The following SLC9A3 variants were observed in gnomAD, a reference collection of about 807,000 sequenced individuals.
SLC9A3 encodes sodium/hydrogen exchanger 3.
SLC9A3 carries 37 observed loss-of-function variants against 86.8 expected under a neutral mutation model. The ratio of observed to expected loss-of-function variants is 0.43; its 90% confidence interval spans 0.33 to 0.56. SLC9A3 has a LOEUF of 0.56. SLC9A3 is among the 20% of genes least tolerant of loss of function. The pLI, the probability that SLC9A3 is intolerant of heterozygous loss-of-function variation, is 0.06. For synonymous variants in SLC9A3, 581 were observed against 528.3 expected, an observed-to-expected ratio of 1.10 and a Z score of -1.37; for missense variants, 1,011 against 1,171.9, an observed-to-expected ratio of 0.86 and a Z score of 2.00.
chr5:486,887 C>G (rs949116440), intron 3 of SLC9A3, among the ~76,000 whole-genome samples: 2 of 139,760 alleles, frequency 1.4e-5, no homozygotes, highest in African/African-American at 5.4e-5. Flanking sequence ...ACACCCACCG[C>G]ACTGACACCG....
chr5:484,724 G>A (rs373427508), intron 4 of SLC9A3, 27 bp from the exon 5 acceptor site: 36 of 1,608,450 alleles, frequency 2.2e-5, no homozygotes, highest in African/African-American at 2.7e-5. Context: ...CTTTGTGGCC[G>A]TGCCGGCCTT....
At chr5:507,652 GTCGACACCCGAATCCCCA>G (rs1319623647) in intron 1 of SLC9A3, among the ~76,000 whole-genome samples, 1 of 102,004 alleles carries the variant, frequency 9.8e-6, no homozygotes, top group East Asian at 2.4e-4. Context: ...CCACCCCACA[GTCGACACCCGAATCCCCA>G]CAGACGCCCG....
intron 10 of SLC9A3, chr5:477,740 A>G (rs911782930): frequency 1.4e-5 from 5 of 346,220 alleles, no homozygotes; most frequent in Non-Finnish European, 2.1e-5. Flanking sequence ...GCTGCCTGGG[A>G]CTTGGGATGT....
intron 4 of SLC9A3, 96 bp downstream of exon 4, chr5:485,057 T>C (rs183931642): frequency 2.1e-6 from 2 of 940,348 alleles, no homozygotes; most frequent in East Asian, 2.4e-5. Flanking sequence ...CAGCTTTGAG[T>C]GCAAAGCTTT....
chr5:500,199 C>G (rs915998185), intron 1 of SLC9A3, among the ~76,000 whole-genome samples: 3 of 152,256 alleles, frequency 2.0e-5, no homozygotes, highest in African/African-American at 7.2e-5. Context: ...GTGAGGGAAC[C>G]AGGCGGTGTG....
chr5:518,638 T>TC (rs761616537), intron 1 of SLC9A3, among the ~76,000 whole-genome samples: 189 of 152,316 alleles, frequency 1.2e-3, no homozygotes, highest in Non-Finnish European at 2.3e-3. Context: ...ACTCTAAACA[T>TC]GCCCCAGTGC....
At chr5:502,846 A>C (rs985294568) in intron 1 of SLC9A3, among the ~76,000 whole-genome samples, 10 of 148,964 alleles carry the variant, frequency 6.7e-5, no homozygotes, top group Non-Finnish European at 1.5e-4. Flanking sequence ...CGCCGTAATG[A>C]CACAGATGGG....
At chr5:482,002 TC>T in intron 8 of SLC9A3, 65 bp downstream of exon 8, 3 of 162,846 alleles carry the variant, frequency 1.8e-5, no homozygotes, top group Non-Finnish European at 1.2e-5. Context: ...CAGCCTCCTC[TC>T]CCCTCTCAGC....
At position 475,635 on chromosome 5, in the gene SLC9A3, T is replaced by C. The variant is rs906835449; in HGVS notation, c.2177A>G (p.Tyr726Cys). The C allele has an allele frequency of 6.4e-7, 1 of 1,551,626 alleles. No homozygotes were observed. Among genetic ancestry groups the C allele is most frequent in the Admixed American group, 2.0e-5 (1 of 51,058 alleles). The change falls in exon 15 of 17, where the codon TAT (tyrosine) becomes TGT (cysteine). Residue 726 changes from tyrosine to cysteine, a missense_variant. By Grantham distance (194) the Tyr-to-Cys change is radical (BLOSUM62 -2). Transcript: ENST00000264938. ...ELSDTEEPPN[Y>C]DEEMSGGIEF... ...GATCCCCCCACTCATCTCCTCATCATAGTTGGGGGGCTCCTCGGTGTCTGA... is the reference window on the plus strand; with the variant it reads ...GATCCCCCCACTCATCTCCTCATCACAGTTGGGGGGCTCCTCGGTGTCTGA...
rs909145067 is a variant in SLC9A3 at position 471,668 on chromosome 5, CAG to C, written c.*1709_*1710del. ...ATAGAGGATGGCTGCATTTTGTGCTCAGAGTTGGTTGAAATGGCTACGAAGTG... is the reference window on the plus strand; with the variant it reads ...ATAGAGGATGGCTGCATTTTGTGCTCAGTTGGTTGAAATGGCTACGAAGTG... On this transcript the variant is annotated 3_prime_UTR_variant, in exon 17 of 17. Transcript: ENST00000264938. The C allele has an allele frequency of 1.7e-5, 7 of 421,838 alleles. No homozygotes were observed. The highest frequency in any genetic ancestry group is 1.4e-4 in the African/African-American group (7 of 49,052). 26.1% of individuals were successfully genotyped at this position (421,838 alleles called of 1,614,324 possible). A position where few individuals can be genotyped will look rare whatever the true frequency, so the allele number is the denominator to read the frequency against.
intron 3 of SLC9A3, among the ~76,000 whole-genome samples, 178 bp downstream of exon 3, chr5:488,138 C>T (rs570358589): frequency 4.6e-5 from 7 of 152,236 alleles, no homozygotes; most frequent in African/African-American, 9.6e-5. Context: ...AGAAGCCTCG[C>T]GAAAGCTGCC....
chr5:494,830 C>G (rs1402685403), intron 1 of SLC9A3, among the ~76,000 whole-genome samples: 4 of 152,214 alleles, frequency 2.6e-5, no homozygotes, highest in Admixed American at 6.5e-5. Context: ...GGAGGCTGCC[C>G]AGCCGCTGGC....
Position 522,933 on chromosome 5 carries a change from C to A in SLC9A3, c.211+1179G>T, listed in dbSNP as rs183375593. Among the ~76,000 whole-genome samples the A allele has an allele frequency of 9.9e-5, 15 of 151,672 alleles. No individual in the cohort carries two copies. In the East Asian group the frequency reaches 1.6e-3, roughly 16 times the overall value. ...TAGGAGGCAGCCAGCCTCAGAGACT[C>A]CCCCCCGGCCAGCATCCCAAGCCCC... On this transcript the variant is annotated intron_variant, in intron 1 of 16. Transcript: ENST00000264938.
At position 520,739 on chromosome 5, in the gene SLC9A3, C is replaced by T. The variant is rs531057100; in HGVS notation, c.211+3373G>A. Among the ~76,000 whole-genome samples, 4 of 152,190 alleles carry T rather than the reference C, an allele frequency of 2.6e-5. No individual in the cohort carries two copies. The South Asian group carries it at 8.3e-4, about 32-fold the overall frequency. The stretch of plus-strand genomic sequence containing the variant: ...AGGCCTCCTCCTCTGGCTTCTGACA[C>T]CCCCGCCTCCCTCTCCTTCCAGGGG... On this transcript the variant is annotated intron_variant, in intron 1 of 16. Transcript: ENST00000264938.
chr5:498,021 C>T (rs1212453886), intron 1 of SLC9A3, among the ~76,000 whole-genome samples: 1 of 152,208 alleles, frequency 6.6e-6, no homozygotes, highest in Non-Finnish European at 1.5e-5. Flanking sequence ...CTGCCTCGGC[C>T]ACCGCCCTCC....
In SLC9A3 at chr5:519,056, G is replaced by A. The variant is rs559049172; in HGVS notation, c.211+5056C>T. ...TTTTATAGCCTACAGCTGATTCTCC[G>A]TGGGCAGCTCCTGGAAAATGAAACT... is the stretch of plus-strand genomic sequence containing the variant. On this transcript the variant is annotated intron_variant, in intron 1 of 16. Coordinates refer to ENST00000264938, the MANE Select transcript of SLC9A3 (RefSeq NM_004174.4). 2.9e-4 allele frequency among the ~76,000 whole-genome samples: 44 copies of A among 152,262 alleles called. 1 individual carries two copies. In the South Asian group the frequency reaches 4.4e-3, roughly 15 times the overall value.
chr5:490,418 C>T (rs567341246), intron 2 of SLC9A3, among the ~76,000 whole-genome samples: 5 of 152,248 alleles, frequency 3.3e-5, no homozygotes, highest in South Asian at 2.1e-4. Context: ...GCAGCAAGGA[C>T]GTCCTCCAGG....
chr5:486,858 C>T lies in SLC9A3; in HGVS notation c.675+1458G>A, dbSNP rs566271657. 3.8e-5 allele frequency among the ~76,000 whole-genome samples: 5 copies of T among 131,368 alleles called. No individual in the cohort carries two copies. In the South Asian group the frequency reaches 9.5e-4, roughly 25 times the overall value. The allele number at this position is 131,368 out of a possible 152,430, so 86.2% of individuals were successfully genotyped here. A position where few individuals can be genotyped will look rare whatever the true frequency, so the allele number is the denominator to read the frequency against. ...CCGCAGGAGCCCACCACACTGACAC[C>T]GTGATCCAGACCGCACTGACACCCA... On this transcript the variant is annotated intron_variant, in intron 3 of 16. Transcript: ENST00000264938.
chr5:501,229 G>A (rs182011633), intron 1 of SLC9A3, among the ~76,000 whole-genome samples: 3 of 152,226 alleles, frequency 2.0e-5, no homozygotes, highest in East Asian at 1.9e-4. Context: ...GGAAGGCCAC[G>A]GCCCAATGCA....
Sources: allele counts gnomAD v4.1 joint callset (sites outside exome capture counted in the v4.1 genomes callset), GRCh38; gene constraint gnomAD v4.1.1; transcripts MANE v1.5; gene names NCBI Gene and HGNC (gene_info 2026-07-23, HGNC 2026-07-21).